Variants in CPNE1 observed in about 807,000 individuals in gnomAD.
The protein encoded by CPNE1 is copine 1, also known as copine-1.
Under a neutral mutation model 63.2 loss-of-function variants are expected in CPNE1, and 58 were observed. The ratio of observed to expected loss-of-function variants is 0.92; its 90% CI spans 0.74 to 1.14. The LOEUF (loss-of-function observed/expected upper bound fraction) is 1.14, where lower values mean the gene tolerates loss of function less well. Ranked by LOEUF, CPNE1 falls within the 50% of genes most tolerant of loss-of-function variation. The pLI, the probability that CPNE1 is intolerant of heterozygous loss-of-function variation, is 0.00. For missense variants in CPNE1, 672 were observed against 661.7 expected (o/e 1.02, Z -0.17); for synonymous variants, 237 against 249.0 (o/e 0.95, Z 0.45).
intron 1 of CPNE1, among the ~76,000 whole-genome samples, chr20:35,638,025 T>C (rs2032588012): frequency 6.6e-6 from 1 of 152,338 alleles, no homozygotes; most frequent in Non-Finnish European, 1.5e-5. Context: ...TACTCATCAG[T>C]AAGTATTTAG....
chr20:35,635,425 C>T (rs2032431959), intron 1 of CPNE1, among the ~76,000 whole-genome samples: 1 of 152,116 alleles, frequency 6.6e-6, no homozygotes, highest in African/African-American at 2.4e-5. Flanking sequence ...CCAGCCCCAG[C>T]TCCCTGCCCA....
At chr20:35,658,920 A>C (rs1390603749) in intron 1 of CPNE1, 1 of 714,138 alleles carries the variant, frequency 1.4e-6, no homozygotes, top group East Asian at 2.7e-5. Context: ...CTCTATTCAA[A>C]ATCTCTTACC....
At chr20:35,638,152 T>C (rs1195692861) in intron 1 of CPNE1, among the ~76,000 whole-genome samples, 3 of 152,202 alleles carry the variant, frequency 2.0e-5, no homozygotes, top group Non-Finnish European at 4.4e-5. Flanking sequence ...GTATTAGTAC[T>C]TAGTATATAG....
intron 1 of CPNE1, among the ~76,000 whole-genome samples, chr20:35,637,040 AAAC>A (rs908735186): frequency 1.3e-5 from 2 of 152,184 alleles, no homozygotes; most frequent in Admixed American, 6.5e-5. Flanking sequence ...ATGAAATAAA[AAAC>A]AAAAACAAAA....
chr20:35,647,659 A>T (rs2033207718), intron 1 of CPNE1, among the ~76,000 whole-genome samples: 1 of 152,056 alleles, frequency 6.6e-6, no homozygotes, highest in East Asian at 1.9e-4. Context: ...CTGCTAGTTA[A>T]CGTTGATCCA....
chr20:35,655,771 C>T (rs2033858885), intron 1 of CPNE1, among the ~76,000 whole-genome samples: 1 of 152,048 alleles, frequency 6.6e-6, no homozygotes, highest in South Asian at 2.1e-4. Context: ...AGCATCTTCC[C>T]TATATACTTG....
chr20:35,635,622 C>T (rs1403618093), intron 1 of CPNE1, among the ~76,000 whole-genome samples: 1 of 152,118 alleles, frequency 6.6e-6, no homozygotes, highest in Non-Finnish European at 1.5e-5. Flanking sequence ...CCCTGTGTCC[C>T]CCTTGGCCCA....
intron 1 of CPNE1, among the ~76,000 whole-genome samples, chr20:35,645,757 G>C (rs2146319283): frequency 6.6e-6 from 1 of 152,320 alleles, no homozygotes; most frequent in South Asian, 2.1e-4. Flanking sequence ...TTACAGCACA[G>C]GGACCCTACT....
intron 1 of CPNE1, among the ~76,000 whole-genome samples, chr20:35,645,322 C>T (rs1206774991): frequency 6.6e-6 from 1 of 152,116 alleles, no homozygotes; most frequent in Non-Finnish European, 1.5e-5. Flanking sequence ...GCCGAGAAAG[C>T]AAAGGAATAT....
In CPNE1 at chr20:35,626,656, C is replaced by A; in HGVS notation, c.1384G>T (p.Asp462Tyr). The A allele has an allele frequency of 6.2e-7, 1 of 1,614,206 alleles. No individual in the cohort carries two copies. The highest frequency in any genetic ancestry group is 8.5e-7 in the Non-Finnish European group (1 of 1,180,044). ...GADFEAMEQL[D>Y]ADGGPLHTRS... ...GTATGCAGGGGTCCACCATCAGCGT[C>A]CAGCTGCTCCATGGCCTCAAAGTCA... is the stretch of plus-strand genomic sequence containing the variant. Residue 462 changes from aspartate (D) to tyrosine (Y), a missense_variant, in exon 15 of 16, where the codon GAC (aspartate) becomes TAC (tyrosine). Asp to Tyr is a radical substitution (Grantham distance 160). Transcript: ENST00000397443.
Position 35,630,803 on chromosome 20 carries a change from A to G in CPNE1, c.996-8T>C. ...GCAGGGAACAGCTTGTCTCTGTGGG[A>G]GGACAGTGTATTGGGCAAAAGGCAG... On this transcript the variant is annotated splice_polypyrimidine_tract_variant and splice_region_variant and intron_variant, in intron 11 of 15. Coordinates refer to ENST00000397443, the MANE Select transcript of CPNE1 (RefSeq NM_152925.3). 1.2e-6 allele frequency: 2 copies of G among 1,612,868 alleles called. No homozygotes were observed. The highest frequency in any genetic ancestry group is 1.7e-6 in the Non-Finnish European group (2 of 1,179,454).
intron 1 of CPNE1, chr20:35,653,153 G>T: frequency 2.5e-6 from 4 of 1,613,594 alleles, no homozygotes; most frequent in Middle Eastern, 1.7e-4. Context: ...AAATTACCAG[G>T]AAAGTTAAAT....
At chr20:35,641,804 G>A (rs1219130536) in intron 1 of CPNE1, among the ~76,000 whole-genome samples, 1 of 152,140 alleles carries the variant, frequency 6.6e-6, no homozygotes, top group East Asian at 1.9e-4. Context: ...AAGCTCTTCA[G>A]AATAAACACT....
chr20:35,654,653 G>A (rs1391797718), intron 1 of CPNE1: 2 of 1,612,192 alleles, frequency 1.2e-6, no homozygotes, highest in African/African-American at 2.7e-5. Flanking sequence ...GGAATCGGGG[G>A]CACAGGAGGC....
At chr20:35,652,801 C>T in intron 1 of CPNE1, 1 of 1,608,514 alleles carries the variant, frequency 6.2e-7, no homozygotes, top group Non-Finnish European at 8.5e-7. Flanking sequence ...AGGGGGACCA[C>T]CAATATGGAT....
At chr20:35,630,358 C>T (rs1270218432) in intron 13 of CPNE1, 81 bp downstream of exon 13, 2 of 1,055,368 alleles carry the variant, frequency 1.9e-6, no homozygotes, top group East Asian at 2.4e-5. Context: ...CAGGTATCTG[C>T]CCCCACTCTC....
In CPNE1 at chr20:35,630,981, T is replaced by C; in HGVS notation, c.915A>G (p.Leu305=). ...SNGDPSSPDS[L]HYLSPTGVNE... is the part of the protein sequence containing the mutation. ...TGACCCCTGTTGGACTCAGGTAGTG[T>C]AGGGAGTCAGGTGAGGAGGGGTCTC... is the stretch of plus-strand genomic sequence containing the variant. The change falls in exon 11 of 16, where the codon CTA becomes CTG. Residue 305 remains leucine, a synonymous_variant. Coordinates refer to ENST00000397443, the MANE Select transcript of CPNE1 (RefSeq NM_152925.3). The C allele has an allele frequency of 1.9e-6, 3 of 1,613,974 alleles. No individual in the cohort carries two copies. Among genetic ancestry groups the C allele is most frequent in the Non-Finnish European group, 2.5e-6 (3 of 1,179,946 alleles).
chr20:35,649,547 C>T (rs2033353848), intron 1 of CPNE1: 1 of 152,584 alleles, frequency 6.6e-6, no homozygotes, highest in Non-Finnish European at 1.5e-5. Context: ...AAGCTAGGAA[C>T]TACATTTCAC....
At chr20:35,654,884 T>C (rs1254156329) in intron 1 of CPNE1, 3 of 1,614,114 alleles carry the variant, frequency 1.9e-6, no homozygotes, top group Admixed American at 3.3e-5. Context: ...AATGTCTGTA[T>C]GTTTTTGTTG....
Sources: gnomAD v4.1 joint callset for allele counts (sites outside exome capture counted in the v4.1 genomes callset) on GRCh38, gnomAD v4.1.1 for gene constraint, MANE v1.5 for transcripts, NCBI Gene and HGNC (gene_info 2026-07-23, HGNC 2026-07-21) for gene names.